Variants in PCDHGB4 observed in about 807,000 individuals in gnomAD.
PCDHGB4 encodes the protein protocadherin gamma subfamily B, 4, also known as protocadherin gamma-B4.
Under a neutral mutation model 60.5 loss-of-function variants are expected in PCDHGB4, and 38 were observed. The ratio of observed to expected loss-of-function variants is 0.63; its 90% CI spans 0.48 to 0.82. The LOEUF is 0.82. Among genes scored for constraint, PCDHGB4 ranks in the 40% least tolerant of loss-of-function variants. The pLI is 0.00. For synonymous variants in PCDHGB4, 456 were observed against 509.7 expected (o/e 0.89, Z 1.42); for missense variants, 1,109 against 1,209.6 (o/e 0.92, Z 1.23).
At chr5:141,441,962 G>A in intron 1 of PCDHGB4, 1 of 313,768 alleles carries the variant, frequency 3.2e-6, no homozygotes, top group Admixed American at 4.1e-5. Context: ...AGCAAGCCCA[G>A]GCTCTTCAGC....
Position 141,489,153 on chromosome 5 carries a change from G to T in PCDHGB4, c.2398-5654G>T. 1 of 935,828 alleles carries T rather than the reference G, an allele frequency of 1.1e-6. No individual in the cohort carries two copies. Among genetic ancestry groups the T allele is most frequent in the South Asian group, 1.8e-5 (1 of 55,006 alleles). 58.0% of individuals were successfully genotyped at this position (935,828 alleles called of 1,614,324 possible). A position where few individuals can be genotyped will look rare whatever the true frequency, so the allele number is the denominator to read the frequency against. Reference sequence around the variant, plus strand: ...TTTAAGAGGCTGGAAGGAGACATAAGAGACTTCAGCTGCTGCATTCCAAGC... The same window carrying T: ...TTTAAGAGGCTGGAAGGAGACATAATAGACTTCAGCTGCTGCATTCCAAGC... On this transcript the variant is annotated intron_variant, in intron 1 of 3. Transcript: ENST00000519479. The surrounding 1 kb of genome is among the most constrained non-coding windows in gnomAD (Gnocchi z 4.5).
At chr5:141,481,656 A>G (rs1425280340) in intron 1 of PCDHGB4, among the ~76,000 whole-genome samples, 1 of 152,084 alleles carries the variant, frequency 6.6e-6, no homozygotes, top group Non-Finnish European at 1.5e-5. Context: ...CATCTCTACT[A>G]ATAATACAAA....
chr5:141,395,259 C>A, intron 1 of PCDHGB4: 1 of 1,551,968 alleles, frequency 6.4e-7, no homozygotes, highest in South Asian at 1.2e-5. Context: ...TCTTTGCTTG[C>A]TTTTAATTTC....
chr5:141,435,853 T>C (rs1034164236), intron 1 of PCDHGB4, among the ~76,000 whole-genome samples: 1 of 152,110 alleles, frequency 6.6e-6, no homozygotes, highest in African/African-American at 2.4e-5. Context: ...AAAGATACAA[T>C]AGTTAAAACC....
rs1231121250 is a variant in PCDHGB4 at position 141,399,544 on chromosome 5, T to G, written c.2397+9263T>G. The G allele has an allele frequency of 5.6e-6, 9 of 1,614,022 alleles. No individual in the cohort carries two copies. The highest frequency in any genetic ancestry group is 7.6e-6 in the Non-Finnish European group (9 of 1,179,882). ...GGCCTCCATCGCGCAAGTCTGCGCCTCGGACCTGGACTTGGGGTTGAACGG... is the reference window on the plus strand; with the variant it reads ...GGCCTCCATCGCGCAAGTCTGCGCCGCGGACCTGGACTTGGGGTTGAACGG... On this transcript the variant is annotated intron_variant, in intron 1 of 3. Transcript: ENST00000519479.
chr5:141,419,243 C>T (rs959206942), intron 1 of PCDHGB4: 2 of 1,613,998 alleles, frequency 1.2e-6, no homozygotes, highest in East Asian at 4.5e-5. Flanking sequence ...GGTCCACGTG[C>T]CAGAAAACAA....
Position 141,487,333 on chromosome 5 carries a change from C to T in PCDHGB4, c.2398-7474C>T. 6.2e-7 allele frequency: 1 copy of T among 1,614,176 alleles called. No homozygotes were observed. The highest frequency in any genetic ancestry group is 8.5e-7 in the Non-Finnish European group (1 of 1,180,022). On this transcript the variant is annotated intron_variant, in intron 1 of 3. Transcript: ENST00000519479. The surrounding 1 kb of genome is among the most constrained non-coding windows in gnomAD (Gnocchi z 5.0). ...TCTCTAAGTGTCTTCGTGGGGCAGC[C>T]TGTGGAGTCACATGCTTTCCTGCTG...
intron 1 of PCDHGB4, among the ~76,000 whole-genome samples, chr5:141,438,771 C>T (rs1056879944): frequency 1.3e-5 from 2 of 149,126 alleles, no homozygotes; most frequent in Non-Finnish European, 3.0e-5. Flanking sequence ...AAGCGATTCT[C>T]CTGCCTCAGC....
chr5:141,408,240 C>T (rs1012868761), intron 1 of PCDHGB4: 89 of 1,578,820 alleles, frequency 5.6e-5, no homozygotes, highest in Non-Finnish European at 7.3e-5. Context: ...CGGGCCGGCC[C>T]GCGGCAGGTG....
chr5:141,401,503 C>A (rs755118621), intron 1 of PCDHGB4, among the ~76,000 whole-genome samples: 1 of 151,946 alleles, frequency 6.6e-6, no homozygotes, highest in Non-Finnish European at 1.5e-5. Flanking sequence ...AATCCTTTTC[C>A]ACCTCTATAT....
chr5:141,403,612 G>C (rs1314297922), intron 1 of PCDHGB4: 9 of 1,613,736 alleles, frequency 5.6e-6, no homozygotes, highest in African/African-American at 1.3e-5. Flanking sequence ...GCGGCGAGCC[G>C]CGTCGCTCCA....
intron 3 of PCDHGB4, among the ~76,000 whole-genome samples, chr5:141,507,784 T>C (rs2099863290): frequency 6.6e-6 from 1 of 152,136 alleles, no homozygotes; most frequent in Non-Finnish European, 1.5e-5. Context: ...GGCCTGACCC[T>C]CGTCTAAGCC....
At chr5:141,396,724 A>G (rs957039654) in intron 1 of PCDHGB4, 1 of 152,212 alleles carries the variant, frequency 6.6e-6, no homozygotes, top group African/African-American at 2.4e-5. Flanking sequence ...TAATACCTGA[A>G]TTGATTGTTG....
intron 1 of PCDHGB4, chr5:141,408,051 C>G (rs894200228): frequency 3.2e-5 from 41 of 1,264,370 alleles, no homozygotes; most frequent in African/African-American, 1.1e-4. Flanking sequence ...CCACACAGAG[C>G]CTCCCGGCTG....
At chr5:141,424,894 T>C (rs868851823) in intron 1 of PCDHGB4, among the ~76,000 whole-genome samples, 44 of 152,320 alleles carry the variant, frequency 2.9e-4, no homozygotes, top group African/African-American at 9.9e-4. Flanking sequence ...TCTAGGGTTT[T>C]TGATCACAGG....
chr5:141,428,055 G>C (rs1232516220), intron 1 of PCDHGB4: 8 of 1,608,952 alleles, frequency 5.0e-6, no homozygotes, highest in African/African-American at 1.3e-5. Context: ...CAAGGTGGTG[G>C]CGGTGGACGC....
Position 141,487,856 on chromosome 5 carries a change from T to C in PCDHGB4, c.2398-6951T>C. The C allele has an allele frequency of 2.0e-6, 2 of 977,364 alleles. No homozygotes were observed. The highest frequency in any genetic ancestry group is 3.0e-6 in the Non-Finnish European group (2 of 671,858). 60.5% of individuals were successfully genotyped at this position (977,364 alleles called of 1,614,324 possible). A position where few individuals can be genotyped will look rare whatever the true frequency, so the allele number is the denominator to read the frequency against. Reference sequence around the variant, plus strand: ...ATATCTGAGTAAGAAATGAAAGTAATTGGTGATCAAGAGCCAGGCTGTTGT... The same window carrying C: ...ATATCTGAGTAAGAAATGAAAGTAACTGGTGATCAAGAGCCAGGCTGTTGT... On this transcript the variant is annotated intron_variant, in intron 1 of 3. Transcript: ENST00000519479. The surrounding 1 kb of genome is among the most constrained non-coding windows in gnomAD (Gnocchi z 5.0).
intron 1 of PCDHGB4, chr5:141,426,340 C>A: frequency 5.3e-6 from 1 of 190,288 alleles, no homozygotes; most frequent in Non-Finnish European, 1.1e-5. Flanking sequence ...AGCACTCTTC[C>A]CTTTCCTGCT....
At chr5:141,419,586 A>T (rs1440548961) in intron 1 of PCDHGB4, 1 of 1,611,696 alleles carries the variant, frequency 6.2e-7, no homozygotes, top group Non-Finnish European at 8.5e-7. Context: ...GCGCTCTTCG[A>T]CACAGTGCCG....
Sources: allele counts gnomAD v4.1 joint callset (sites outside exome capture counted in the v4.1 genomes callset), GRCh38; gene constraint gnomAD v4.1.1; non-coding constraint Gnocchi (gnomAD v3.1); transcripts MANE v1.5; gene names NCBI Gene and HGNC (gene_info 2026-07-23, HGNC 2026-07-21).